PRICKLE2: variants seen among roughly 807,000 people sequenced by gnomAD.
PRICKLE2 encodes prickle planar cell polarity protein 2, also known as prickle-like protein 2.
PRICKLE2 carries 21 observed loss-of-function variants against 81.4 expected under a neutral mutation model. The observed-to-expected ratio is 0.26, with a 90% confidence interval of 0.18 to 0.37. The LOEUF is 0.37. PRICKLE2 is among the 10% of genes least tolerant of loss of function. The pLI, the probability that PRICKLE2 is intolerant of heterozygous loss-of-function variation, is 1.00. For synonymous variants in PRICKLE2, 456 were observed against 421.5 expected (o/e 1.08, Z -1.00); for missense variants, 940 against 1,109.0 (o/e 0.85, Z 2.16).
At chr3:64,135,363 C>A (rs1377236218) in intron 7 of PRICKLE2, among the ~76,000 whole-genome samples, 1 of 152,058 alleles carries the variant, frequency 6.6e-6, no homozygotes, top group Non-Finnish European at 1.5e-5. Context: ...AAGTAGAACA[C>A]TAAATCCTTG....
chr3:64,222,211 G>A (rs568080299), intron 1 of PRICKLE2, among the ~76,000 whole-genome samples: 62 of 152,220 alleles, frequency 4.1e-4, no homozygotes, highest in Admixed American at 2.1e-3. Flanking sequence ...GAGAGGTCAG[G>A]CAACTCTCCT....
At position 64,097,760 on chromosome 3, in the gene PRICKLE2, T is replaced by A. The variant is rs1013296823; in HGVS notation, c.*1291A>T. The A allele has an allele frequency of 4.6e-5, 7 of 152,634 alleles. No homozygotes were observed. Among genetic ancestry groups the A allele is most frequent in the African/African-American group, 1.7e-4 (7 of 41,442 alleles). 9.5% of individuals were successfully genotyped at this position (152,634 alleles called of 1,614,324 possible). A position where few individuals can be genotyped will look rare whatever the true frequency, so the allele number is the denominator to read the frequency against. ...TACTAAGCTGGTTACACTGGACTCTTTCTACAATCTCTGGGAGCTCTTCGA... is the reference window on the plus strand; with the variant it reads ...TACTAAGCTGGTTACACTGGACTCTATCTACAATCTCTGGGAGCTCTTCGA... On this transcript the variant is annotated 3_prime_UTR_variant, in exon 8 of 8. Transcript: ENST00000638394.
intron 7 of PRICKLE2, among the ~76,000 whole-genome samples, chr3:64,125,044 G>C (rs1326914960): frequency 6.6e-6 from 1 of 152,170 alleles, no homozygotes; most frequent in Non-Finnish European, 1.5e-5. Context: ...CGTGATTCAT[G>C]AGAGGAGGTT....
intron 1 of PRICKLE2, among the ~76,000 whole-genome samples, chr3:64,212,135 T>C (rs2078798855): frequency 6.6e-6 from 1 of 152,180 alleles, no homozygotes; most frequent in South Asian, 2.1e-4. Flanking sequence ...CACTACTACC[T>C]GCATCCCCAC....
intron 7 of PRICKLE2, among the ~76,000 whole-genome samples, chr3:64,106,222 T>A (rs1236026906): frequency 6.6e-6 from 1 of 152,226 alleles, no homozygotes; most frequent in Non-Finnish European, 1.5e-5. Flanking sequence ...CTATATTATT[T>A]ATTATTTATG....
At chr3:64,242,639 C>T (rs1170942599) in intron 2 of PRICKLE2, among the ~76,000 whole-genome samples, 1 of 152,228 alleles carries the variant, frequency 6.6e-6, no homozygotes, top group Non-Finnish European at 1.5e-5. Context: ...GCCAAGATTC[C>T]CAGATTCTTT....
chr3:64,103,735 T>C (rs1019159273), intron 7 of PRICKLE2, among the ~76,000 whole-genome samples: 3 of 152,172 alleles, frequency 2.0e-5, no homozygotes, highest in Admixed American at 6.5e-5. Flanking sequence ...ATCCCAGCAC[T>C]TTGGGAGGCC....
chr3:64,253,447 T>TGTA (rs1456001652), intron 2 of PRICKLE2, among the ~76,000 whole-genome samples: 1 of 152,186 alleles, frequency 6.6e-6, no homozygotes, highest in African/African-American at 2.4e-5. Flanking sequence ...TACTCTCTCA[T>TGTA]GAACCCTCAA....
At chr3:64,241,522 C>T (rs969801874) in intron 2 of PRICKLE2, among the ~76,000 whole-genome samples, 2 of 152,176 alleles carry the variant, frequency 1.3e-5, no homozygotes, top group Non-Finnish European at 2.9e-5. Flanking sequence ...TAACACCTAC[C>T]AGCTTTTCAG....
At chr3:64,203,030 T>C (rs367972519) in intron 1 of PRICKLE2, among the ~76,000 whole-genome samples, 4 of 152,244 alleles carry the variant, frequency 2.6e-5, no homozygotes, top group African/African-American at 9.6e-5. Context: ...AGTTATTTTA[T>C]GTCTTTATTC....
chr3:64,203,994 CAT>C (rs879815997), intron 1 of PRICKLE2, among the ~76,000 whole-genome samples: 50 of 150,556 alleles, frequency 3.3e-4, no homozygotes, highest in Non-Finnish European at 3.7e-4. Flanking sequence ...CACACACACA[CAT>C]ACACTCTAAA....
chr3:64,267,836 A>G (rs1184386240), intron 2 of PRICKLE2: 1 of 152,134 alleles, frequency 6.6e-6, no homozygotes, highest in African/African-American at 2.4e-5. Flanking sequence ...AGCTCCTGAA[A>G]CCAGGAGCAA....
At chr3:64,181,071 T>C (rs1020638045) in intron 2 of PRICKLE2, among the ~76,000 whole-genome samples, 2 of 152,174 alleles carry the variant, frequency 1.3e-5, no homozygotes, top group Non-Finnish European at 2.9e-5. Context: ...CATTCGTGTG[T>C]AGCATTTTCA....
At position 64,220,700 on chromosome 3, in the gene PRICKLE2, C is replaced by G. The variant is rs181087055; in HGVS notation, c.-41+4210G>C. Among the ~76,000 whole-genome samples the G allele has an allele frequency of 1.4e-4, 22 of 152,246 alleles. No individual in the cohort carries two copies. In the East Asian group the frequency reaches 4.3e-3, roughly 29 times the overall value. On this transcript the variant is annotated intron_variant, in intron 1 of 7. Transcript: ENST00000638394. Reference sequence around the variant, plus strand: ...GCAATGCTTTGTCAAACGAGGCCAGCCCTGATTTTCTTCATGCCTCCAGTT... The same window carrying G: ...GCAATGCTTTGTCAAACGAGGCCAGGCCTGATTTTCTTCATGCCTCCAGTT...
chr3:64,107,791 T>G lies in PRICKLE2; in HGVS notation c.1661-7866A>C, dbSNP rs147739915. ...TTACAGTGAGCTATGATGACACCAC[T>G]GCACTCCAGAGCCTTTCAAAAAATA... On this transcript the variant is annotated intron_variant, in intron 7 of 7. Transcript: ENST00000638394. Among the ~76,000 whole-genome samples, 1,435 of 152,308 alleles carry G rather than the reference T, an allele frequency of 9.4e-3. 6 individuals carry two copies. The highest frequency in any genetic ancestry group is 0.024 in the Middle Eastern group (7 of 294).
At chr3:64,162,905 A>T in intron 3 of PRICKLE2, 111 bp downstream of exon 3, 1 of 812,090 alleles carries the variant, frequency 1.2e-6, no homozygotes, top group South Asian at 1.3e-5. Context: ...AACCTAAAAT[A>T]AATTGCCAGA....
chr3:64,207,483 G>C (rs2078707067), intron 1 of PRICKLE2, among the ~76,000 whole-genome samples: 1 of 152,114 alleles, frequency 6.6e-6, no homozygotes, highest in African/African-American at 2.4e-5. Context: ...ATCAGCCAGA[G>C]CCAGGGGATA....
chr3:64,116,597 A>G (rs142951624), intron 7 of PRICKLE2, among the ~76,000 whole-genome samples: 2,050 of 152,328 alleles, frequency 0.013, 25 homozygotes, highest in Middle Eastern at 0.02. Flanking sequence ...AAAATCTAGG[A>G]GAAATGGATA....
intron 2 of PRICKLE2, among the ~76,000 whole-genome samples, chr3:64,182,048 A>G (rs1273091371): frequency 6.6e-6 from 1 of 151,936 alleles, no homozygotes; most frequent in African/African-American, 2.4e-5. Flanking sequence ...GGTGGGAGGA[A>G]GCTTGGAGTT....
Sources: gnomAD v4.1 joint callset for allele counts (sites outside exome capture counted in the v4.1 genomes callset) on GRCh38, gnomAD v4.1.1 for gene constraint, MANE v1.5 for transcripts, NCBI Gene and HGNC (gene_info 2026-07-23, HGNC 2026-07-21) for gene names.